The following NIN variants were observed in gnomAD, a reference collection of about 807,000 sequenced individuals.
NIN encodes the protein ninein, also known as glycogen synthase kinase 3 beta-interacting protein.
In NIN, 137 loss-of-function variants were observed where a neutral mutation model predicts 257.6. The ratio of observed to expected loss-of-function variants is 0.53; its 90% CI spans 0.46 to 0.61. NIN has a LOEUF of 0.61. NIN is among the 20% of genes least tolerant of loss of function. The pLI is 0.00. For synonymous variants in NIN, 918 were observed against 919.8 expected, an observed-to-expected ratio of 1.00 and a Z score of 0.04; for missense variants, 2,439 against 2,501.2, an observed-to-expected ratio of 0.98 and a Z score of 0.53.
chr14:50,820,757 AT>A (rs1361918104), intron 3 of NIN, among the ~76,000 whole-genome samples: 11 of 152,236 alleles, frequency 7.2e-5, no homozygotes, highest in Non-Finnish European at 1.3e-4. Flanking sequence ...GAAGTCACAT[AT>A]TTTTTTCAAG....
intron 14 of NIN, among the ~76,000 whole-genome samples, chr14:50,765,973 A>G (rs985609678): frequency 1.3e-5 from 2 of 150,314 alleles, no homozygotes; most frequent in East Asian, 4.0e-4. Context: ...AGCATCAGGT[A>G]TATCTCCCGG....
At chr14:50,759,785 A>G (rs530737013) in intron 17 of NIN, 72 bp downstream of exon 17, 18 of 1,505,648 alleles carry the variant, frequency 1.2e-5, no homozygotes, top group South Asian at 5.3e-5. Context: ...CACCGCGCCC[A>G]GCCACAACTG....
rs756514207 is a variant in NIN, at chr14:50,770,874, G to A, written c.1237C>T (p.Arg413Trp). The change falls in exon 11 of 31, where the codon CGG becomes TGG. Residue 413 changes from arginine (R) to tryptophan (W), a missense_variant. By Grantham distance (101) the Arg-to-Trp change is moderately radical. Coordinates refer to ENST00000530997, the MANE Select transcript of NIN (RefSeq NM_020921.4). Reference protein sequence around the residue: ...EVDDHHAAIERRNEYNLRKLD... With the variant: ...EVDDHHAAIEWRNEYNLRKLD... ...CACCTGAGGTTGTACTCATTCCGCC[G>A]CTCTATGGCCGCATGGTGATCATCC... The A allele has an allele frequency of 3.7e-6, 6 of 1,613,890 alleles. No homozygotes were observed. The highest frequency in any genetic ancestry group is 1.7e-5 in the Admixed American group (1 of 60,004).
At chr14:50,767,288 A>G (rs1382963576) in intron 12 of NIN, among the ~76,000 whole-genome samples, 2 of 152,226 alleles carry the variant, frequency 1.3e-5, no homozygotes, top group Non-Finnish European at 2.9e-5. Flanking sequence ...TGTTTTAGAG[A>G]TACTGGATTA....
chr14:50,782,969 TC>T (rs1436043409), intron 5 of NIN, among the ~76,000 whole-genome samples: 4 of 820 alleles, frequency 4.9e-3, no homozygotes, highest in Non-Finnish European at 0.031. Flanking sequence ...CCCAAAAGCG[TC>T]GTCAGATACG....
Position 50,748,019 on chromosome 14 carries a change from GAGA to G in NIN, c.5034_5036del (p.Leu1679del). The G allele has an allele frequency of 6.2e-7, 1 of 1,613,526 alleles. No homozygotes were observed. Among genetic ancestry groups the G allele is most frequent in the Middle Eastern group, 1.6e-4 (1 of 6,062 alleles). On this transcript the variant is annotated inframe_deletion, in exon 22 of 31. Transcript: ENST00000530997. ...GTTTCATTTTCTCCAGTTCATCTTTGAGAAGGTGGTTTTCCTGTTGCACAATAT... is the reference window on the plus strand; with the variant it reads ...GTTTCATTTTCTCCAGTTCATCTTTGAGGTGGTTTTCCTGTTGCACAATAT...
intron 5 of NIN, among the ~76,000 whole-genome samples, chr14:50,789,807 G>GAACTTCT (rs1228372453): frequency 6.6e-6 from 1 of 152,162 alleles, no homozygotes; most frequent in Non-Finnish European, 1.5e-5. Flanking sequence ...CCCATTGCAT[G>GAACTTCT]AACTTCTATA....
intron 9 of NIN, chr14:50,772,064 C>A: frequency 2.4e-6 from 1 of 413,740 alleles, no homozygotes; most frequent in Non-Finnish European, 4.4e-6. Context: ...TGTAAATAAA[C>A]ACAATTGTAA....
chr14:50,794,523 A>G (rs2043749597), intron 4 of NIN: 1 of 986,636 alleles, frequency 1.0e-6, no homozygotes, highest in African/African-American at 1.7e-5. Flanking sequence ...ACACCCACAG[A>G]TGCTAGTCAG....
rs371525236 is a variant in NIN at position 50,763,245 on chromosome 14, G to A, written c.1774+581C>T. On this transcript the variant is annotated intron_variant, in intron 15 of 30. Coordinates refer to ENST00000530997, the MANE Select transcript of NIN (RefSeq NM_020921.4). ...AAAAGAGGTAGGCTATCAGGAGAGAGGAAAGGAGCTCATAGTTAATGCAGG... is the reference window on the plus strand; with the variant it reads ...AAAAGAGGTAGGCTATCAGGAGAGAAGAAAGGAGCTCATAGTTAATGCAGG... 9.5e-4 allele frequency among the ~76,000 whole-genome samples: 144 copies of A among 151,906 alleles called. 2 individuals carry two copies. In the South Asian group the frequency reaches 0.029, roughly 31 times the overall value.
intron 3 of NIN, among the ~76,000 whole-genome samples, chr14:50,811,993 G>A (rs2044650266): frequency 6.6e-6 from 1 of 151,594 alleles, no homozygotes; most frequent in Non-Finnish European, 1.5e-5. Flanking sequence ...TGGTGGCAGT[G>A]CCTGTAGTCC....
rs116305116 is a variant in NIN at position 50,734,383 on chromosome 14, C to T, written c.5877+1133G>A. On this transcript the variant is annotated intron_variant, in intron 28 of 30. Coordinates refer to ENST00000530997, the MANE Select transcript of NIN (RefSeq NM_020921.4). ...CTGGGATTACAGGGGTAAGCCACTG[C>T]GCCCGGCCCCATTTCTTCTTATAAT... Among the ~76,000 whole-genome samples the T allele has an allele frequency of 8.1e-3, 1,228 of 152,120 alleles. 18 individuals are homozygous for T. The highest frequency in any genetic ancestry group is 0.027 in the African/African-American group (1,138 of 41,490).
chr14:50,762,940 A>G (rs1315537401), intron 15 of NIN, among the ~76,000 whole-genome samples: 2 of 152,186 alleles, frequency 1.3e-5, no homozygotes, highest in Non-Finnish European at 2.9e-5. Context: ...CATGAGGAAC[A>G]ACCCCAACAC....
intron 28 of NIN, chr14:50,731,041 G>T (rs767733426): frequency 3.9e-6 from 3 of 774,194 alleles, no homozygotes; most frequent in Non-Finnish European, 5.8e-6. Context: ...AGGAGTTAGA[G>T]AAAAGTATGA....
intron 21 of NIN, among the ~76,000 whole-genome samples, chr14:50,750,443 TTA>T (rs2041738848): frequency 6.6e-6 from 1 of 152,252 alleles, no homozygotes; most frequent in Non-Finnish European, 1.5e-5. Flanking sequence ...AATCTAGTTC[TTA>T]TTGTTCACAA....
At chr14:50,740,454 T>G (rs1422489602) in intron 25 of NIN, among the ~76,000 whole-genome samples, 1 of 152,150 alleles carries the variant, frequency 6.6e-6, no homozygotes, top group Non-Finnish European at 1.5e-5. Context: ...GTTCAAGCGA[T>G]TCTCCTGCCT....
chr14:50,727,605 G>A, intron 29 of NIN: 2 of 1,419,554 alleles, frequency 1.4e-6, no homozygotes, highest in Non-Finnish European at 1.9e-6. Flanking sequence ...CTTAGCTTAT[G>A]TCTCTGTGTG....
chr14:50,773,695 GAA>G (rs1270799336), intron 7 of NIN, among the ~76,000 whole-genome samples: 1 of 152,160 alleles, frequency 6.6e-6, no homozygotes, highest in African/African-American at 2.4e-5. Context: ...TTTAGCACAG[GAA>G]AAACAAAGAC....
chr14:50,743,517 T>C lies in NIN; in HGVS notation c.5200A>G (p.Ser1734Gly). 1 of 1,612,324 alleles carries C rather than the reference T, an allele frequency of 6.2e-7. No individual in the cohort carries two copies. The highest frequency in any genetic ancestry group is 8.5e-7 in the Non-Finnish European group (1 of 1,178,422). ...GTCGCAATTCTATGCTCTAAAAGAC[T>C]TGATTTTGCCAACTGTTTCAGGAAG... ...NSCVDKLAKS[S>G]LLEHRIATMK... is the part of the protein sequence containing the mutation. Residue 1734 changes from serine to glycine, a missense_variant, in exon 24 of 31, where the codon AGT becomes GGT. Transcript: ENST00000530997.
Sources: gnomAD v4.1 joint callset for allele counts (sites outside exome capture counted in the v4.1 genomes callset) on GRCh38, gnomAD v4.1.1 for gene constraint, MANE v1.5 for transcripts, NCBI Gene and HGNC (gene_info 2026-07-23, HGNC 2026-07-21) for gene names.